FAT3: variants seen among roughly 807,000 people sequenced by gnomAD.
The protein encoded by FAT3 is FAT atypical cadherin 3.
FAT3 carries 95 observed loss-of-function variants against 310.2 expected under a neutral mutation model. The ratio of observed to expected loss-of-function variants is 0.31; its 90% CI spans 0.26 to 0.36. The LOEUF is 0.36. Ranked by LOEUF, FAT3 falls within the 10% of genes least tolerant of loss-of-function variation. The pLI is 1.00. For synonymous variants in FAT3, 2,314 were observed against 2,192.9 expected, an observed-to-expected ratio of 1.06 and a Z score of -1.54; for missense variants, 5,408 against 5,715.6, an observed-to-expected ratio of 0.95 and a Z score of 1.74.
intron 21 of FAT3, among the ~76,000 whole-genome samples, chr11:92,864,098 A>G (rs1026975299): frequency 3.3e-5 from 5 of 152,180 alleles, no homozygotes; most frequent in Non-Finnish European, 4.4e-5. Flanking sequence ...AGATAATTTT[A>G]TGTTCTTCAG....
chr11:92,844,878 C>T, intron 19 of FAT3, 146 bp downstream of exon 19: 1 of 1,020,122 alleles, frequency 9.8e-7, no homozygotes, highest in South Asian at 1.7e-5. Context: ...ATGATAGATG[C>T]TGGGGCTGCA....
intron 3 of FAT3, among the ~76,000 whole-genome samples, chr11:92,529,447 G>T (rs989766710): frequency 1.3e-5 from 2 of 152,160 alleles, no homozygotes; most frequent in Non-Finnish European, 1.5e-5. Context: ...CAGGAAAGTG[G>T]TAAGATATTA....
At chr11:92,575,621 T>G (rs1159392667) in intron 3 of FAT3, among the ~76,000 whole-genome samples, 2 of 152,188 alleles carry the variant, frequency 1.3e-5, no homozygotes, top group African/African-American at 4.8e-5. Context: ...CTGATAATAG[T>G]TACTTCATGG....
intron 3 of FAT3, among the ~76,000 whole-genome samples, chr11:92,552,152 G>A (rs1218090445): frequency 6.6e-6 from 1 of 152,118 alleles, no homozygotes; most frequent in Admixed American, 6.6e-5. Flanking sequence ...CGTGGTTGCA[G>A]CCAGTGATGT....
chr11:92,576,170 G>A (rs954000077), intron 3 of FAT3, among the ~76,000 whole-genome samples: 1 of 152,122 alleles, frequency 6.6e-6, no homozygotes, highest in Admixed American at 6.6e-5. Flanking sequence ...GGCTAAACCC[G>A]AAGCAGGAGC....
chr11:92,238,413 T>C (rs1820276198), intron 1 of FAT3, among the ~76,000 whole-genome samples: 1 of 152,076 alleles, frequency 6.6e-6, no homozygotes, highest in South Asian at 2.1e-4. Flanking sequence ...AATGTCCACA[T>C]AGGGAATCGG....
intron 13 of FAT3, among the ~76,000 whole-genome samples, chr11:92,810,806 G>A (rs1361186954): frequency 6.6e-6 from 1 of 152,006 alleles, no homozygotes; most frequent in Admixed American, 6.5e-5. Context: ...ACTGCATGAT[G>A]GAATATAAAT....
intron 22 of FAT3, among the ~76,000 whole-genome samples, chr11:92,880,333 G>T (rs2136395003): frequency 6.7e-6 from 1 of 148,766 alleles, no homozygotes; most frequent in South Asian, 2.3e-4. Context: ...AGATAGGACA[G>T]TGACTCAGGA....
Position 92,883,124 on chromosome 11 carries a change from A to G in FAT3, c.12668A>G (p.Gln4223Arg). The G allele has an allele frequency of 6.2e-7, 1 of 1,613,730 alleles. No individual in the cohort carries two copies. The highest frequency in any genetic ancestry group is 8.5e-7 in the Non-Finnish European group (1 of 1,179,854). ...RGSGDGRNVY[Q>R]EVGPPQVPVR... is the part of the protein sequence containing the mutation. ...AGTGGGGACGGCCGCAACGTCTACCAGGAGGTGGGGCCCCCGCAGGTCCCC... is the reference window on the plus strand; with the variant it reads ...AGTGGGGACGGCCGCAACGTCTACCGGGAGGTGGGGCCCCCGCAGGTCCCC... The change falls in exon 24 of 28, where the codon CAG (glutamine) becomes CGG (arginine). Residue 4223 changes from glutamine (Q) to arginine (R), a missense_variant. By Grantham distance (43) the Gln-to-Arg change is conservative. Around this residue, in one of 5 missense-constraint regions of FAT3, gnomAD observed 649 missense variants for 666.2 expected, o/e 0.97. Coordinates refer to ENST00000525166, the MANE Select transcript of FAT3 (RefSeq NM_001367949.2). The surrounding 1 kb of genome is among the most constrained non-coding windows in gnomAD (Gnocchi z 4.2).
Position 92,800,895 on chromosome 11 carries a change from G to A in FAT3, c.7882G>A (p.Asp2628Asn), listed in dbSNP as rs1323881539. The stretch of plus-strand genomic sequence containing the variant: ...CACTCAAGTTCAAGCCATAGATCCC[G>A]ATGATGGAGCAAATTCAAGGATTAC... ...LVTQVQAIDPDDGANSRITYS... is the reference protein window; with the variant it reads ...LVTQVQAIDPNDGANSRITYS... Residue 2628 changes from aspartate (D) to asparagine (N), a missense_variant, in exon 10 of 28, where the codon GAT (aspartate) becomes AAT (asparagine). Physicochemically the swap from Asp to Asn is conservative, Grantham distance 23. Coordinates refer to ENST00000525166, the MANE Select transcript of FAT3 (RefSeq NM_001367949.2). 4 of 1,613,100 alleles carry A rather than the reference G, an allele frequency of 2.5e-6. No homozygotes were observed. The highest frequency in any genetic ancestry group is 1.1e-5 in the South Asian group (1 of 90,824).
chr11:92,806,822 G>T (rs775741690), intron 12 of FAT3, among the ~76,000 whole-genome samples: 9 of 152,176 alleles, frequency 5.9e-5, no homozygotes, highest in Non-Finnish European at 1.2e-4. Flanking sequence ...GGGGACTGTA[G>T]GCAATTTTAG....
At chr11:92,373,932 C>T (rs1001475790) in intron 2 of FAT3, among the ~76,000 whole-genome samples, 4 of 151,396 alleles carry the variant, frequency 2.6e-5, no homozygotes, top group South Asian at 2.1e-4. Flanking sequence ...GGAGGGATGC[C>T]GGTAGCATGG....
At chr11:92,694,572 C>T (rs1943885935) in intron 3 of FAT3, among the ~76,000 whole-genome samples, 1 of 152,172 alleles carries the variant, frequency 6.6e-6, no homozygotes, top group Non-Finnish European at 1.5e-5. Context: ...TAAAGAATCG[C>T]CCTGAGAATC....
chr11:92,425,538 G>A (rs1358934534), intron 2 of FAT3, among the ~76,000 whole-genome samples: 1 of 150,722 alleles, frequency 6.6e-6, no homozygotes, highest in African/African-American at 2.4e-5. Context: ...CCCTCCCCTT[G>A]CCCCCACCCC....
intron 4 of FAT3, among the ~76,000 whole-genome samples, chr11:92,737,523 GTGTGTGTGTGTGTC>G (rs1184329534): frequency 1.3e-5 from 2 of 150,836 alleles, no homozygotes; most frequent in African/African-American, 4.9e-5. Context: ...CTGTGTACGT[GTGTGTGTGTGTGTC>G]TGTGTGTGTG....
At chr11:92,768,039 A>G (rs144308812) in intron 6 of FAT3, among the ~76,000 whole-genome samples, 20 of 152,300 alleles carry the variant, frequency 1.3e-4, no homozygotes, top group Non-Finnish European at 2.8e-4. Context: ...CTCTCCCTGG[A>G]AGGAGTCCCT....
At chr11:92,226,094 G>T (rs566269889) in intron 1 of FAT3, among the ~76,000 whole-genome samples, 14 of 152,266 alleles carry the variant, frequency 9.2e-5, no homozygotes, top group African/African-American at 3.4e-4. Flanking sequence ...CAGTGTGTGT[G>T]CAGGGCAAGT....
intron 4 of FAT3, among the ~76,000 whole-genome samples, chr11:92,752,760 G>T (rs956212120): frequency 6.6e-6 from 1 of 152,108 alleles, no homozygotes; most frequent in Non-Finnish European, 1.5e-5. Flanking sequence ...CATAGTCATC[G>T]ACTGAAGAAA....
rs369684842 is a variant in FAT3, at chr11:92,321,690, G to A, written c.-17-30406G>A. Among the ~76,000 whole-genome samples the A allele has an allele frequency of 3.9e-5, 6 of 152,310 alleles. No individual in the cohort carries two copies. In the East Asian group the frequency reaches 9.7e-4, roughly 25 times the overall value. ...CAAGCTACGGAGCTGGGCTTGGGCA[G>A]TTAAATCCTGACTTTGTGGTTTTGT... On this transcript the variant is annotated intron_variant, in intron 1 of 27. Transcript: ENST00000525166.
Sources: allele counts gnomAD v4.1 joint callset (sites outside exome capture counted in the v4.1 genomes callset), GRCh38; gene constraint gnomAD v4.1.1; regional missense constraint gnomAD v4.1.1; non-coding constraint Gnocchi (gnomAD v3.1); transcripts MANE v1.5; gene names NCBI Gene and HGNC (gene_info 2026-07-23, HGNC 2026-07-21).